Variants in RFTN2 observed in about 807,000 individuals in gnomAD.
The protein encoded by RFTN2 is raftlin-2.
RFTN2 carries 34 observed loss-of-function variants against 52.7 expected under a neutral mutation model. The observed-to-expected ratio is 0.64, with a 90% confidence interval of 0.49 to 0.86. The LOEUF is 0.86. Ranked by LOEUF, RFTN2 falls within the 40% of genes least tolerant of loss-of-function variation. RFTN2 has a pLI of 0.00. For synonymous variants in RFTN2, 203 were observed against 217.7 expected (o/e 0.93, Z 0.59); for missense variants, 536 against 600.1 (o/e 0.89, Z 1.12).
chr2:197,613,868 G>T (rs1413846407), intron 7 of RFTN2, among the ~76,000 whole-genome samples: 1 of 152,176 alleles, frequency 6.6e-6, no homozygotes, highest in Non-Finnish European at 1.5e-5. Context: ...GTTGCATAAT[G>T]GCAATTAATG....
rs2087272396 is a variant in RFTN2 at position 197,568,796 on chromosome 2, C to T, written c.*3212G>A. 6.6e-6 allele frequency: 1 copy of T among 152,096 alleles called. No homozygotes were observed. Among genetic ancestry groups the T allele is most frequent in the Non-Finnish European group, 1.5e-5 (1 of 68,028 alleles). 9.4% of individuals were successfully genotyped at this position (152,096 alleles called of 1,614,324 possible). On this transcript the variant is annotated 3_prime_UTR_variant, in exon 9 of 9. Coordinates refer to ENST00000295049, the MANE Select transcript of RFTN2 (RefSeq NM_144629.3). ...AGGAATGGTGGTGAGGAATCAATAACAGGCAAGGGCGGGAAAACGGGACAG... is the reference window on the plus strand; with the variant it reads ...AGGAATGGTGGTGAGGAATCAATAATAGGCAAGGGCGGGAAAACGGGACAG...
At chr2:197,656,044 G>A (rs1391368034) in intron 1 of RFTN2, among the ~76,000 whole-genome samples, 1 of 152,126 alleles carries the variant, frequency 6.6e-6, no homozygotes, top group Non-Finnish European at 1.5e-5. Context: ...CACAAACAGA[G>A]CTCCAGGGTA....
At chr2:197,592,713 T>C (rs2087737735) in intron 8 of RFTN2, among the ~76,000 whole-genome samples, 1 of 152,222 alleles carries the variant, frequency 6.6e-6, no homozygotes, top group Admixed American at 6.5e-5. Flanking sequence ...ATAACTGATT[T>C]CAGGGTATTA....
In RFTN2 at chr2:197,571,987, T is replaced by G. The variant is rs1187271243; in HGVS notation, c.*21A>C. The G allele has an allele frequency of 6.2e-7, 1 of 1,606,110 alleles. No individual in the cohort carries two copies. Among genetic ancestry groups the G allele is most frequent in the Non-Finnish European group, 8.5e-7 (1 of 1,172,912 alleles). ...ATTTTAACAATTATTTACAGGGCCTTCCTTTGCTTCACCTCATGGCTCACA... is the reference window on the plus strand; with the variant it reads ...ATTTTAACAATTATTTACAGGGCCTGCCTTTGCTTCACCTCATGGCTCACA... On this transcript the variant is annotated 3_prime_UTR_variant, in exon 9 of 9. Transcript: ENST00000295049.
chr2:197,606,281 C>T (rs1161775053), intron 7 of RFTN2, among the ~76,000 whole-genome samples: 3 of 152,066 alleles, frequency 2.0e-5, no homozygotes, highest in Non-Finnish European at 4.4e-5. Flanking sequence ...TATGTCTGCC[C>T]CTAGAGTGGG....
rs140230216 is a variant in RFTN2 at position 197,599,734 on chromosome 2, A to T, written c.1155-3665T>A. Among the ~76,000 whole-genome samples, 1,083 of 152,302 alleles carry T rather than the reference A, an allele frequency of 7.1e-3. 6 individuals are homozygous for T. The highest frequency in any genetic ancestry group is 0.021 in the South Asian group (103 of 4,822). On this transcript the variant is annotated intron_variant, in intron 7 of 8. Coordinates refer to ENST00000295049, the MANE Select transcript of RFTN2 (RefSeq NM_144629.3). ...AGAGGTGAAACATGTGGCACAGGGG[A>T]GGGCGAACCCTCCACAGCTACTTCA...
At chr2:197,646,782 G>C in intron 1 of RFTN2, 116 bp from the exon 2 acceptor site, 1 of 757,354 alleles carries the variant, frequency 1.3e-6, no homozygotes, top group Non-Finnish European at 2.1e-6. Flanking sequence ...GGGTGCAATG[G>C]CACATGCGTG....
intron 8 of RFTN2, among the ~76,000 whole-genome samples, chr2:197,587,389 A>G (rs564059159): frequency 4.5e-4 from 68 of 152,298 alleles, no homozygotes; most frequent in African/African-American, 1.6e-3. Flanking sequence ...GCCTGCAGGT[A>G]TACATCCAGA....
At chr2:197,661,782 A>G (rs1423532647) in intron 1 of RFTN2, among the ~76,000 whole-genome samples, 1 of 152,158 alleles carries the variant, frequency 6.6e-6, no homozygotes, top group Non-Finnish European at 1.5e-5. Flanking sequence ...CCTTTTCTCT[A>G]CATCCTCATC....
chr2:197,631,202 T>C lies in RFTN2; in HGVS notation c.737A>G (p.Tyr246Cys). Residue 246 changes from tyrosine (Y) to cysteine (C), a missense_variant, in exon 5 of 9, where the codon TAT becomes TGT. Coordinates refer to ENST00000295049, the MANE Select transcript of RFTN2 (RefSeq NM_144629.3). Reference protein sequence around the residue: ...RKGEASDNKLYTVFNAFDDDS... With the variant: ...RKGEASDNKLCTVFNAFDDDS... ...ATCATCAAAAGCATTGAAGACTGTATACAATTTGTTATCTGAGGCTAGGCA... is the reference window on the plus strand; with the variant it reads ...ATCATCAAAAGCATTGAAGACTGTACACAATTTGTTATCTGAGGCTAGGCA... 6.2e-7 allele frequency: 1 copy of C among 1,610,536 alleles called. No homozygotes were observed. Among genetic ancestry groups the C allele is most frequent in the Non-Finnish European group, 8.5e-7 (1 of 1,178,994 alleles).
At position 197,617,938 on chromosome 2, in the gene RFTN2, A is replaced by G; in HGVS notation, c.929-17T>C. On this transcript the variant is annotated splice_polypyrimidine_tract_variant and intron_variant, in intron 5 of 8. Coordinates refer to ENST00000295049, the MANE Select transcript of RFTN2 (RefSeq NM_144629.3). Reference sequence around the variant, plus strand: ...AATGTTCCCCTGTGAGGAAGAGGGTACAATTAAGAAGGGTTGTAAATACTA... The same window carrying G: ...AATGTTCCCCTGTGAGGAAGAGGGTGCAATTAAGAAGGGTTGTAAATACTA... The G allele has an allele frequency of 6.3e-7, 1 of 1,585,306 alleles. No individual in the cohort carries two copies. Among genetic ancestry groups the G allele is most frequent in the Non-Finnish European group, 8.6e-7 (1 of 1,164,622 alleles).
intron 1 of RFTN2, among the ~76,000 whole-genome samples, chr2:197,671,432 T>A (rs375131467): frequency 6.6e-6 from 1 of 152,244 alleles, no homozygotes; most frequent in African/African-American, 2.4e-5. Flanking sequence ...CCTTGTATTG[T>A]AATTTTTTGT....
chr2:197,619,889 T>A (rs2088232221), intron 5 of RFTN2, among the ~76,000 whole-genome samples: 1 of 149,948 alleles, frequency 6.7e-6, no homozygotes, highest in Non-Finnish European at 1.5e-5. Context: ...TTTACTTCAC[T>A]GAATTAAAAT....
intron 3 of RFTN2, among the ~76,000 whole-genome samples, chr2:197,638,296 T>C (rs1312057991): frequency 9.7e-6 from 1 of 102,898 alleles, no homozygotes; most frequent in Non-Finnish European, 2.2e-5. Context: ...GGTATCCTTG[T>C]TGACTTTCTG....
chr2:197,619,248 A>G (rs560635456), intron 5 of RFTN2, among the ~76,000 whole-genome samples: 33,355 of 150,810 alleles, frequency 0.22, 3,694 homozygotes, highest in African/African-American at 0.29. Flanking sequence ...GGTGTACCCA[A>G]CAGCTCATTG....
At chr2:197,652,522 T>A (rs901335444) in intron 1 of RFTN2, among the ~76,000 whole-genome samples, 9 of 152,214 alleles carry the variant, frequency 5.9e-5, no homozygotes, top group African/African-American at 2.2e-4. Flanking sequence ...CCTTTTCTTA[T>A]GTATGTAAGA....
At chr2:197,599,310 A>G (rs954329265) in intron 7 of RFTN2, among the ~76,000 whole-genome samples, 11 of 152,160 alleles carry the variant, frequency 7.2e-5, no homozygotes, top group African/African-American at 2.7e-4. Flanking sequence ...GGCTGCCTAG[A>G]GCCATGCTGA....
chr2:197,643,810 CT>C (rs1321697828), intron 3 of RFTN2, among the ~76,000 whole-genome samples: 2 of 151,896 alleles, frequency 1.3e-5, no homozygotes, highest in Admixed American at 1.3e-4. Context: ...AAAAAATTAC[CT>C]CTTTATCTCA....
Position 197,675,348 on chromosome 2 carries a change from T to C in RFTN2, c.111A>G (p.Glu37=). 2 of 1,603,596 alleles carry C rather than the reference T, an allele frequency of 1.2e-6. No homozygotes were observed. Among genetic ancestry groups the C allele is most frequent in the Non-Finnish European group, 1.7e-6 (2 of 1,175,320 alleles). ...GTAGAGTAAAATCCAGCAATACATA[T>C]TCGTAAGCAAATTCTGTCTTTGTTT... ...QVETKTEFAY[E]YVLLDFTLQA... Residue 37 remains glutamate (E), a synonymous_variant, in exon 1 of 9, where the codon GAA becomes GAG. Transcript: ENST00000295049.
Sources: gnomAD v4.1 joint callset for allele counts (sites outside exome capture counted in the v4.1 genomes callset) on GRCh38, gnomAD v4.1.1 for gene constraint, MANE v1.5 for transcripts, NCBI Gene and HGNC (gene_info 2026-07-23, HGNC 2026-07-21) for gene names.